The following LEPROTL1 variants were observed in gnomAD, a reference collection of about 807,000 sequenced individuals.
The protein encoded by LEPROTL1 is leptin receptor overlapping transcript-like 1.
Under a neutral mutation model 15.4 loss-of-function variants are expected in LEPROTL1, and 6 were observed. That is an observed-to-expected ratio of 0.39 (90% confidence interval 0.21 to 0.77). LEPROTL1 has a LOEUF of 0.77. Ranked by LOEUF, LEPROTL1 falls within the 30% of genes least tolerant of loss-of-function variation. The pLI is 0.41. For missense variants in LEPROTL1, 128 were observed against 158.1 expected, an observed-to-expected ratio of 0.81 and a Z score of 1.02; for synonymous variants, 56 against 52.6, an observed-to-expected ratio of 1.06 and a Z score of -0.28.
Position 30,106,025 on chromosome 8 carries a change from G to C in LEPROTL1, c.*163G>C. ...ATTGTAAGCATACTATTTTCACAGA[G>C]ACTTGCTGAAGGATTAAAAGGATTT... On this transcript the variant is annotated 3_prime_UTR_variant, in exon 4 of 4. Coordinates refer to ENST00000321250, the MANE Select transcript of LEPROTL1 (RefSeq NM_015344.3). 2 of 1,208,042 alleles carry C rather than the reference G, an allele frequency of 1.7e-6. No individual in the cohort carries two copies. Among genetic ancestry groups the C allele is most frequent in the Non-Finnish European group, 2.1e-6 (2 of 963,668 alleles). The allele number at this position is 1,208,042 out of a possible 1,614,324, so 74.8% of individuals were successfully genotyped here. A position where few individuals can be genotyped will look rare whatever the true frequency, so the allele number is the denominator to read the frequency against.
intron 3 of LEPROTL1, among the ~76,000 whole-genome samples, chr8:30,115,473 G>A (rs28507902): frequency 0.028 from 4,171 of 151,106 alleles, 207 homozygotes; most frequent in African/African-American, 0.096. Context: ...CCTGGGCTTA[G>A]GTGATCCTCC....
Position 30,100,147 on chromosome 8 carries a change from C to T in LEPROTL1, c.17-1751C>T, listed in dbSNP as rs142113681. Reference sequence around the variant, plus strand: ...TCGGGGTTGCCATGACCTGCATCAGCGATCTAACCAAAAACCAAATCTGCC... The same window carrying T: ...TCGGGGTTGCCATGACCTGCATCAGTGATCTAACCAAAAACCAAATCTGCC... On this transcript the variant is annotated intron_variant, in intron 1 of 3. Coordinates refer to ENST00000321250, the MANE Select transcript of LEPROTL1 (RefSeq NM_015344.3). 2.9e-3 allele frequency among the ~76,000 whole-genome samples: 438 copies of T among 152,290 alleles called. 5 individuals are homozygous for T. The highest frequency in any genetic ancestry group is 3.4e-3 in the Middle Eastern group (1 of 294).
At chr8:30,113,696 A>G (rs541359183) in intron 3 of LEPROTL1, among the ~76,000 whole-genome samples, 1 of 152,280 alleles carries the variant, frequency 6.6e-6, no homozygotes, top group Non-Finnish European at 1.5e-5. Flanking sequence ...AAGAGCAGCC[A>G]CCGGGCCCTC....
rs369943711 is a variant in LEPROTL1 at position 30,131,298 on chromosome 8, G to A, written c.280-1077G>A. 3.7e-3 allele frequency among the ~76,000 whole-genome samples: 319 copies of A among 86,022 alleles called. 3 individuals carry two copies. Among genetic ancestry groups the A allele is most frequent in the African/African-American group, 0.011 (306 of 28,630 alleles). The allele number at this position is 86,022 out of a possible 152,430, so 56.4% of individuals were successfully genotyped here. On this transcript the variant is annotated intron_variant, in intron 3 of 4. Transcript: ENST00000442880. ...TGTGTGTATATATATATATATATAT[G>A]TGTGTGTGTATATATATATATATAC...
intron 3 of LEPROTL1, among the ~76,000 whole-genome samples, chr8:30,118,379 A>G (rs1204062782): frequency 6.6e-6 from 1 of 152,206 alleles, no homozygotes; most frequent in Admixed American, 6.5e-5. Flanking sequence ...AAAAAGCTAG[A>G]AGGTTATTAT....
intron 3 of LEPROTL1, among the ~76,000 whole-genome samples, chr8:30,114,567 A>G (rs1360928537): frequency 6.6e-6 from 1 of 152,172 alleles, no homozygotes; most frequent in Non-Finnish European, 1.5e-5. Flanking sequence ...TTGGGATTGC[A>G]GGCGTGAGCC....
intron 3 of LEPROTL1, among the ~76,000 whole-genome samples, chr8:30,124,471 G>T (rs567685956): frequency 2.6e-5 from 4 of 152,130 alleles, no homozygotes; most frequent in African/African-American, 7.2e-5. Context: ...AGCAATCCAA[G>T]ATTAAATATC....
chr8:30,096,978 G>C (rs1417419985), intron 1 of LEPROTL1, among the ~76,000 whole-genome samples: 2 of 152,178 alleles, frequency 1.3e-5, no homozygotes, highest in Non-Finnish European at 2.9e-5. Context: ...TAACTCCCAG[G>C]TTAGAGAAGT....
chr8:30,114,856 G>A (rs1313554081), intron 3 of LEPROTL1, among the ~76,000 whole-genome samples: 7 of 152,136 alleles, frequency 4.6e-5, no homozygotes, highest in Non-Finnish European at 1.0e-4. Context: ...AAGCATGGAG[G>A]CCTCCATGGT....
At chr8:30,101,392 A>ATGTGG (rs904462717) in intron 1 of LEPROTL1, among the ~76,000 whole-genome samples, 1 of 152,052 alleles carries the variant, frequency 6.6e-6, no homozygotes, top group Non-Finnish European at 1.5e-5. Flanking sequence ...CACTGGCTGG[A>ATGTGG]TGTGGTGGCT....
chr8:30,099,694 G>C (rs76136891), intron 1 of LEPROTL1, among the ~76,000 whole-genome samples: 8,661 of 151,890 alleles, frequency 0.057, 363 homozygotes, highest in East Asian at 0.21. Flanking sequence ...TTGGAGGAAA[G>C]TAGAGAGGAG....
intron 4 of LEPROTL1, among the ~76,000 whole-genome samples, chr8:30,135,344 G>A (rs1803118686): frequency 6.6e-6 from 1 of 152,288 alleles, no homozygotes. Flanking sequence ...TTCCAAGAAA[G>A]GCCTACAAAG....
chr8:30,124,704 CTATA>C (rs1386101472), intron 3 of LEPROTL1, among the ~76,000 whole-genome samples: 2 of 151,344 alleles, frequency 1.3e-5, no homozygotes, highest in Non-Finnish European at 3.0e-5. Context: ...ATGTAAATAA[CTATA>C]TAAACAGAAA....
At chr8:30,111,961 A>G (rs1436600862), downstream of LEPROTL1, among the ~76,000 whole-genome samples, 1 of 152,210 alleles carries the variant, frequency 6.6e-6, no homozygotes. Context: ...GACTCAGGCT[A>G]TATTTTAAAG....
intron 3 of LEPROTL1, among the ~76,000 whole-genome samples, chr8:30,129,361 C>T (rs1025347601): frequency 1.3e-5 from 2 of 152,066 alleles, no homozygotes; most frequent in Admixed American, 6.6e-5. Context: ...ATTATCTTTG[C>T]GAAGTTTTAA....
chr8:30,101,759 T>A (rs1802471392), intron 1 of LEPROTL1, 139 bp from the exon 2 acceptor site: 1 of 522,828 alleles, frequency 1.9e-6, no homozygotes, highest in South Asian at 2.6e-5. Context: ...CTAGATAACT[T>A]ACACTTCTGA....
chr8:30,099,218 A>AC (rs1038418939), intron 1 of LEPROTL1, among the ~76,000 whole-genome samples: 55 of 152,302 alleles, frequency 3.6e-4, no homozygotes, highest in African/African-American at 1.1e-3. Context: ...TATCTGACAC[A>AC]CGTTAGGTGC....
chr8:30,106,319 C>T lies in LEPROTL1; in HGVS notation c.*457C>T, dbSNP rs1358989465. ...AAAATTATAAAAATAAGTTTTCAGT[C>T]AGTCAGGATGACATCACTCCCAATG... On this transcript the variant is annotated 3_prime_UTR_variant, in exon 4 of 4. Transcript: ENST00000321250. 1 of 986,728 alleles carries T rather than the reference C, an allele frequency of 1.0e-6. No individual in the cohort carries two copies. The highest frequency in any genetic ancestry group is 1.7e-5 in the African/African-American group (1 of 57,218). The allele number at this position is 986,728 out of a possible 1,614,324, so 61.1% of individuals were successfully genotyped here.
At chr8:30,102,563 A>G (rs554716210) in intron 2 of LEPROTL1, among the ~76,000 whole-genome samples, 2 of 152,042 alleles carry the variant, frequency 1.3e-5, no homozygotes, top group East Asian at 3.9e-4. Context: ...GAGGCAGGAG[A>G]ATCGCCTGAA....
Sources: allele counts gnomAD v4.1 joint callset (sites outside exome capture counted in the v4.1 genomes callset), GRCh38; gene constraint gnomAD v4.1.1; transcripts MANE v1.5; gene names NCBI Gene and HGNC (gene_info 2026-07-23, HGNC 2026-07-21).